The following NKAIN2 variants were observed in gnomAD, a reference collection of about 807,000 sequenced individuals.
NKAIN2 encodes the protein sodium/potassium transporting ATPase interacting 2, also known as sodium/potassium-transporting ATPase subunit beta-1-interacting protein 2.
Under a neutral mutation model 32.6 loss-of-function variants are expected in NKAIN2, and 14 were observed. The observed-to-expected ratio is 0.43, with a 90% confidence interval of 0.28 to 0.67. The LOEUF (loss-of-function observed/expected upper bound fraction) is 0.67. NKAIN2 is among the 30% of genes least tolerant of loss of function. The pLI, the probability that NKAIN2 is intolerant of heterozygous loss-of-function variation, is 0.17. For missense variants in NKAIN2, 198 were observed against 258.3 expected (o/e 0.77, Z 1.60); for synonymous variants, 80 against 87.2 (o/e 0.92, Z 0.46).
At chr6:124,455,187 A>T (rs1776271392) in intron 3 of NKAIN2, among the ~76,000 whole-genome samples, 1 of 152,086 alleles carries the variant, frequency 6.6e-6, no homozygotes, top group African/African-American at 2.4e-5. Flanking sequence ...CATTGAGAAA[A>T]AAGAGTATTT....
chr6:124,401,683 C>CA lies in NKAIN2; in HGVS notation c.273+46337dup, dbSNP rs574094953. Among the ~76,000 whole-genome samples, 26 of 152,244 alleles carry CA rather than the reference C, an allele frequency of 1.7e-4. No individual in the cohort carries two copies. In the East Asian group the frequency reaches 4.8e-3, roughly 28 times the overall value. ...TGCATTTTCCTGATTACTCGTGATGCATAACACCTTTTTTGTATATTTTTT... is the reference window on the plus strand; with the variant it reads ...TGCATTTTCCTGATTACTCGTGATGCAATAACACCTTTTTTGTATATTTTTT... On this transcript the variant is annotated intron_variant, in intron 3 of 6. Coordinates refer to ENST00000368417, the MANE Select transcript of NKAIN2 (RefSeq NM_001040214.3).
At chr6:124,611,350 T>TTTTGTTTG (rs141225329) in intron 3 of NKAIN2, among the ~76,000 whole-genome samples, 2 of 151,964 alleles carry the variant, frequency 1.3e-5, no homozygotes, top group African/African-American at 4.8e-5. Context: ...CGCCATTTTA[T>TTTTGTTTG]TTTGTTTGTT....
At chr6:124,409,164 T>C (rs1236914755) in intron 3 of NKAIN2, among the ~76,000 whole-genome samples, 1 of 152,178 alleles carries the variant, frequency 6.6e-6, no homozygotes, top group Non-Finnish European at 1.5e-5. Flanking sequence ...CTTCCTCTTT[T>C]CCTAACTGAA....
intron 3 of NKAIN2, among the ~76,000 whole-genome samples, chr6:124,358,492 A>G (rs959138816): frequency 6.6e-5 from 10 of 152,032 alleles, no homozygotes; most frequent in African/African-American, 2.4e-4. Context: ...ATGGTATCTC[A>G]TTGTGGTTTT....
intron 3 of NKAIN2, among the ~76,000 whole-genome samples, chr6:124,454,452 G>T (rs1776244756): frequency 6.6e-6 from 1 of 151,970 alleles, no homozygotes; most frequent in Non-Finnish European, 1.5e-5. Context: ...AAACATGCAA[G>T]AGTCTTAATT....
At chr6:124,484,730 G>A (rs1254733051) in intron 3 of NKAIN2, among the ~76,000 whole-genome samples, 1 of 152,028 alleles carries the variant, frequency 6.6e-6, no homozygotes, top group Admixed American at 6.6e-5. Context: ...GTTTTTCATA[G>A]GCAAGAGAAT....
chr6:124,733,709 G>C (rs1009222001), intron 4 of NKAIN2, among the ~76,000 whole-genome samples: 1 of 151,742 alleles, frequency 6.6e-6, no homozygotes, highest in Non-Finnish European at 1.5e-5. Context: ...GGGGACATTA[G>C]TGTGAGTTCA....
chr6:124,326,606 C>T (rs1583053474), intron 2 of NKAIN2, among the ~76,000 whole-genome samples: 1 of 152,232 alleles, frequency 6.6e-6, no homozygotes, highest in East Asian at 1.9e-4. Context: ...ACTATTTACT[C>T]ACCCTTACCT....
At chr6:124,286,977 C>T (rs1477404802) in intron 2 of NKAIN2, among the ~76,000 whole-genome samples, 13 of 152,054 alleles carry the variant, frequency 8.5e-5, no homozygotes, top group Non-Finnish European at 1.5e-4. Context: ...CCATTGTGCC[C>T]GGCCAGGGAT....
chr6:124,585,356 C>T (rs1045757999), intron 3 of NKAIN2, among the ~76,000 whole-genome samples: 1 of 151,930 alleles, frequency 6.6e-6, no homozygotes, highest in Non-Finnish European at 1.5e-5. Flanking sequence ...TTAATAGGTA[C>T]AAAAATACGG....
intron 1 of NKAIN2, among the ~76,000 whole-genome samples, chr6:124,056,083 G>A (rs963675090): frequency 3.9e-5 from 6 of 152,038 alleles, no homozygotes; most frequent in African/African-American, 1.4e-4. Flanking sequence ...ATTTCTGCAA[G>A]TACCAGGACA....
At chr6:124,435,404 G>A (rs917173779) in intron 3 of NKAIN2, among the ~76,000 whole-genome samples, 4 of 152,096 alleles carry the variant, frequency 2.6e-5, no homozygotes, top group African/African-American at 7.2e-5. Context: ...AGTATTCTCC[G>A]CAACCATCAT....
At chr6:124,343,167 T>C (rs1402557999) in intron 2 of NKAIN2, among the ~76,000 whole-genome samples, 2 of 152,130 alleles carry the variant, frequency 1.3e-5, no homozygotes, top group Non-Finnish European at 2.9e-5. Flanking sequence ...GAACTCATCA[T>C]TTTTTATGGC....
At chr6:124,016,851 G>A (rs947275973) in intron 1 of NKAIN2, among the ~76,000 whole-genome samples, 8 of 151,968 alleles carry the variant, frequency 5.3e-5, no homozygotes, top group Non-Finnish European at 7.4e-5. Flanking sequence ...GGTATGTATT[G>A]GAGCTAGCAT....
At chr6:123,878,779 A>T (rs1773299589) in intron 1 of NKAIN2, among the ~76,000 whole-genome samples, 1 of 151,734 alleles carries the variant, frequency 6.6e-6, no homozygotes. Flanking sequence ...GCATTGCTGG[A>T]CCTGTAATGC....
At chr6:124,590,158 T>C (rs954270889) in intron 3 of NKAIN2, among the ~76,000 whole-genome samples, 3 of 152,184 alleles carry the variant, frequency 2.0e-5, no homozygotes, top group Admixed American at 2.0e-4. Context: ...TGTTAAATAA[T>C]GCTGAATAAT....
At chr6:124,389,870 C>T (rs973827942) in intron 3 of NKAIN2, among the ~76,000 whole-genome samples, 83 of 152,030 alleles carry the variant, frequency 5.5e-4, no homozygotes, top group African/African-American at 1.9e-3. Context: ...ATTCCCTATC[C>T]GTGGCCTCAC....
intron 1 of NKAIN2, among the ~76,000 whole-genome samples, chr6:124,269,771 AG>A (rs1191431855): frequency 1.3e-5 from 2 of 151,882 alleles, no homozygotes; most frequent in East Asian, 3.9e-4. Context: ...TAGGGCCTCT[AG>A]TTGCAATTTC....
At chr6:124,061,208 GAAGATA>G (rs1049711253) in intron 1 of NKAIN2, among the ~76,000 whole-genome samples, 2 of 152,156 alleles carry the variant, frequency 1.3e-5, no homozygotes, top group African/African-American at 4.8e-5. Context: ...CATGCATCTT[GAAGATA>G]AATAGGAGTA....
Sources: gnomAD v4.1 joint callset for allele counts (sites outside exome capture counted in the v4.1 genomes callset) on GRCh38, gnomAD v4.1.1 for gene constraint, MANE v1.5 for transcripts, NCBI Gene and HGNC (gene_info 2026-07-23, HGNC 2026-07-21) for gene names.